The following EEF2K variants were observed in gnomAD, a reference collection of about 807,000 sequenced individuals.
EEF2K encodes alternative protein EEF2K.
Under a neutral mutation model 93.8 loss-of-function variants are expected in EEF2K, and 70 were observed. That is an observed-to-expected ratio of 0.75 (90% CI 0.62 to 0.91). The LOEUF (loss-of-function observed/expected upper bound fraction) is 0.91. EEF2K is among the 40% of genes least tolerant of loss of function. The pLI, the probability that EEF2K is intolerant of heterozygous loss-of-function variation, is 0.00. For synonymous variants in EEF2K, 376 were observed against 380.8 expected, an observed-to-expected ratio of 0.99 and a Z score of 0.15; for missense variants, 935 against 972.9, an observed-to-expected ratio of 0.96 and a Z score of 0.52.
intron 1 of EEF2K, among the ~76,000 whole-genome samples, chr16:22,211,205 G>A (rs572171673): frequency 2.6e-5 from 4 of 152,272 alleles, no homozygotes; most frequent in African/African-American, 9.6e-5. Context: ...TTGAGTAGAT[G>A]AATTTTACAG....
intron 2 of EEF2K, among the ~76,000 whole-genome samples, chr16:22,242,810 C>T (rs1859780166): frequency 6.6e-6 from 1 of 152,036 alleles, no homozygotes; most frequent in African/African-American, 2.4e-5. Context: ...TTATCTGAGG[C>T]CAGAGTTAAA....
intron 1 of EEF2K, among the ~76,000 whole-genome samples, chr16:22,211,153 T>C (rs537297944): frequency 2.4e-4 from 36 of 152,310 alleles, no homozygotes; most frequent in East Asian, 1.7e-3. Flanking sequence ...TCAGGCCCCC[T>C]CTCTCACTTC....
chr16:22,286,162 C>A lies in EEF2K; in HGVS notation c.*2166C>A, dbSNP rs561899919. 1 of 152,278 alleles carries A rather than the reference C, an allele frequency of 6.6e-6. No homozygotes were observed. Among genetic ancestry groups the A allele is most frequent in the East Asian group, 1.9e-4 (1 of 5,186 alleles). 9.4% of individuals were successfully genotyped at this position (152,278 alleles called of 1,614,324 possible). A position where few individuals can be genotyped will look rare whatever the true frequency, so the allele number is the denominator to read the frequency against. ...CTTTTTCAATATGGACTCATCATAG[C>A]CAGTTTTCCTTTTGAAGTTGGAACT... On this transcript the variant is annotated 3_prime_UTR_variant, in exon 18 of 18. Coordinates refer to ENST00000263026, the MANE Select transcript of EEF2K (RefSeq NM_013302.5).
At chr16:22,217,426 T>C (rs1433071853) in intron 1 of EEF2K, among the ~76,000 whole-genome samples, 1 of 151,898 alleles carries the variant, frequency 6.6e-6, no homozygotes, top group Admixed American at 6.6e-5. Context: ...AAATTATATA[T>C]AAATAATATA....
intron 11 of EEF2K, among the ~76,000 whole-genome samples, chr16:22,261,637 C>G (rs1209450862): frequency 6.7e-6 from 1 of 149,938 alleles, no homozygotes; most frequent in African/African-American, 2.5e-5. Context: ...TTGCAGTGAG[C>G]AGAGGTCGCA....
At chr16:22,264,915 T>G in intron 13 of EEF2K, 35 bp downstream of exon 13, 1 of 1,611,878 alleles carries the variant, frequency 6.2e-7, no homozygotes, top group Non-Finnish European at 8.5e-7. Flanking sequence ...TCTCTGCCTC[T>G]TCCCTGTCTC....
chr16:22,266,271 G>C, intron 13 of EEF2K, 119 bp from the exon 14 acceptor site: 1 of 1,393,686 alleles, frequency 7.2e-7, no homozygotes, highest in Non-Finnish European at 9.6e-7. Flanking sequence ...CTTTGACATC[G>C]TGAGGGTTCA....
chr16:22,208,520 ACT>A (rs892652095), intron 1 of EEF2K, among the ~76,000 whole-genome samples: 3 of 152,046 alleles, frequency 2.0e-5, no homozygotes, highest in East Asian at 1.9e-4. Flanking sequence ...ACAAAGCGAG[ACT>A]CTGTCTCAAA....
intron 2 of EEF2K, among the ~76,000 whole-genome samples, chr16:22,228,996 C>T (rs1398661263): frequency 6.6e-6 from 1 of 151,808 alleles, no homozygotes; most frequent in African/African-American, 2.4e-5. Context: ...ATTTTCCTTC[C>T]ACAATGGTGG....
chr16:22,282,557 C>T (rs1311345170), intron 17 of EEF2K, among the ~76,000 whole-genome samples: 1 of 151,960 alleles, frequency 6.6e-6, no homozygotes, highest in African/African-American at 2.4e-5. Flanking sequence ...ATGTTGTTAT[C>T]ATGCAGATTG....
intron 9 of EEF2K, among the ~76,000 whole-genome samples, chr16:22,258,169 G>A (rs2047425770): frequency 6.6e-6 from 1 of 152,036 alleles, no homozygotes; most frequent in African/African-American, 2.4e-5. Context: ...CTTGGACCAG[G>A]GACAAGAGAA....
At chr16:22,227,505 G>A (rs546542694) in intron 2 of EEF2K, among the ~76,000 whole-genome samples, 123 of 152,294 alleles carry the variant, frequency 8.1e-4, no homozygotes, top group South Asian at 3.3e-3. Flanking sequence ...TTACAGGCAT[G>A]AGCCACTGCA....
chr16:22,236,934 CTTTTTTTTTTTT>C lies in EEF2K; in HGVS notation c.247-7679_247-7668del, dbSNP rs71151665. ...TTTTTTATGAAATATCCACAGACCT[CTTTTTTTTTTTT>C]TTTTTTTTTTTTTTTTGAGACAGAG... On this transcript the variant is annotated intron_variant, in intron 2 of 17. Transcript: ENST00000263026. 3.2e-4 allele frequency among the ~76,000 whole-genome samples: 18 copies of C among 56,230 alleles called. No individual in the cohort carries two copies. The South Asian group carries it at 4.5e-3, about 14-fold the overall frequency. 36.9% of individuals were successfully genotyped at this position (56,230 alleles called of 152,430 possible). A position where few individuals can be genotyped will look rare whatever the true frequency, so the allele number is the denominator to read the frequency against.
At chr16:22,252,677 G>A (rs187361779) in intron 6 of EEF2K, among the ~76,000 whole-genome samples, 29 of 152,218 alleles carry the variant, frequency 1.9e-4, no homozygotes, top group Non-Finnish European at 3.2e-4. Context: ...ATATTAGTCC[G>A]TTTTCACACT....
intron 2 of EEF2K, among the ~76,000 whole-genome samples, chr16:22,235,334 A>G (rs545514334): frequency 6.8e-6 from 1 of 147,540 alleles, no homozygotes; most frequent in Admixed American, 6.8e-5. Context: ...GAATCATGCT[A>G]TATATGTCTT....
At chr16:22,212,897 C>G (rs1009488806) in intron 1 of EEF2K, among the ~76,000 whole-genome samples, 3 of 151,384 alleles carry the variant, frequency 2.0e-5, no homozygotes, top group South Asian at 2.1e-4. Flanking sequence ...TCCCTTAAGC[C>G]CAGGAGTTCA....
At chr16:22,238,133 T>C (rs1316081806) in intron 2 of EEF2K, among the ~76,000 whole-genome samples, 1 of 151,936 alleles carries the variant, frequency 6.6e-6, no homozygotes, top group Non-Finnish European at 1.5e-5. Flanking sequence ...CTACTAAAAA[T>C]ACAAAAATTA....
chr16:22,231,607 G>A (rs2047116061), intron 2 of EEF2K, among the ~76,000 whole-genome samples: 3 of 152,020 alleles, frequency 2.0e-5, no homozygotes, highest in Admixed American at 2.0e-4. Context: ...TCACTTATGT[G>A]GAGAAAAAGA....
intron 13 of EEF2K, among the ~76,000 whole-genome samples, chr16:22,266,134 ATCGCTTGAACCT>A (rs1156394306): frequency 1.3e-5 from 2 of 151,964 alleles, no homozygotes; most frequent in Non-Finnish European, 2.9e-5. Context: ...AGGCAGAAGA[ATCGCTTGAACCT>A]GGGAGGTGGA....
Sources: gnomAD v4.1 joint callset for allele counts (sites outside exome capture counted in the v4.1 genomes callset) on GRCh38, gnomAD v4.1.1 for gene constraint, MANE v1.5 for transcripts, NCBI Gene and HGNC (gene_info 2026-07-23, HGNC 2026-07-21) for gene names.